Variants in CCDC78 observed in about 807,000 individuals in gnomAD.
CCDC78 encodes the protein coiled-coil domain-containing protein 78.
Under a neutral mutation model 61.9 loss-of-function variants are expected in CCDC78, and 78 were observed. The ratio of observed to expected loss-of-function variants is 1.26; its 90% confidence interval spans 1.05 to 1.52. The LOEUF (loss-of-function observed/expected upper bound fraction) is 1.52, where lower values mean the gene tolerates loss of function less well. CCDC78 is among the 40% of genes most tolerant of loss of function. CCDC78 has a pLI of 0.00. For synonymous variants in CCDC78, 287 were observed against 251.9 expected (o/e 1.14, Z -1.32); for missense variants, 737 against 615.5 (o/e 1.20, Z -2.09).
intron 3 of CCDC78, 102 bp downstream of exon 3, chr16:725,692 C>A: frequency 6.4e-7 from 1 of 1,568,916 alleles, no homozygotes; most frequent in South Asian, 1.1e-5. Flanking sequence ...CAGGCTGAGA[C>A]CCACAGATGC....
rs2040368482 is a variant in CCDC78, at chr16:723,007, C to T, written c.1216G>A (p.Glu406Lys). Residue 406 changes from glutamate to lysine, a missense_variant, in exon 13 of 14, where the codon GAG (glutamate) becomes AAG (lysine). Physicochemically the swap from Glu to Lys is moderately conservative, Grantham distance 56. Transcript: ENST00000345165. The part of the protein sequence containing the change: ...SRSTQAELER[E>K]RAQLLVRATM... ...GCCCGGACCAGCAGCTGTGCCCGCT[C>T]CCGTTCCAGCTCTGCCTGGCATGGG... The T allele has an allele frequency of 1.9e-6, 3 of 1,612,564 alleles. No homozygotes were observed. In the South Asian group the frequency reaches 3.3e-5, roughly 18 times the overall value.
chr16:724,075 G>T, intron 10 of CCDC78, 31 bp downstream of exon 10: 3 of 1,567,978 alleles, frequency 1.9e-6, no homozygotes, highest in Middle Eastern at 2.0e-4. Context: ...GGGCACCCGG[G>T]CCTGGAGCTT....
Position 722,713 on chromosome 16 carries a change from C to T in CCDC78, c.1378G>A (p.Ala460Thr). The change falls in exon 14 of 14, where the codon GCC becomes ACC. Residue 460 changes from alanine to threonine, a missense_variant. Physicochemically the swap from Ala to Thr is moderately conservative, Grantham distance 58. Coordinates refer to ENST00000345165, the MANE Select transcript of CCDC78 (RefSeq NM_001378030.1). Reference sequence around the variant, plus strand: ...CCGGTCCTTGGATGCTGGGGCTTGGCTGGAGGCACAGCCCCCACTTTCCAG... The same window carrying T: ...CCGGTCCTTGGATGCTGGGGCTTGGTTGGAGGCACAGCCCCCACTTTCCAG... ...DPWKVGAVPPAKPQHPRTGSH is the reference protein window; with the variant it reads ...DPWKVGAVPPTKPQHPRTGSH 2 of 1,610,066 alleles carry T rather than the reference C, an allele frequency of 1.2e-6. No individual in the cohort carries two copies. The highest frequency in any genetic ancestry group is 1.1e-5 in the South Asian group (1 of 91,086).
intron 6 of CCDC78, 31 bp from the exon 7 acceptor site, chr16:725,020 C>T (rs751410670): frequency 1.2e-6 from 2 of 1,612,422 alleles, no homozygotes; most frequent in South Asian, 1.1e-5. Context: ...CTCAGCAGGC[C>T]CACGATCAGG....
Position 723,027 on chromosome 16 carries a change from C to A in CCDC78, c.1201-5G>T. 6.2e-7 allele frequency: 1 copy of A among 1,612,558 alleles called. No homozygotes were observed. The highest frequency in any genetic ancestry group is 8.5e-7 in the Non-Finnish European group (1 of 1,179,992). Reference sequence around the variant, plus strand: ...CCGCTCCCGTTCCAGCTCTGCCTGGCATGGGGATGTAAGCCATGAGCTGGG... The same window carrying A: ...CCGCTCCCGTTCCAGCTCTGCCTGGAATGGGGATGTAAGCCATGAGCTGGG... On this transcript the variant is annotated splice_polypyrimidine_tract_variant and splice_region_variant and intron_variant, in intron 12 of 13. Transcript: ENST00000345165.
chr16:724,710 G>C lies in CCDC78; in HGVS notation c.736C>G (p.Arg246Gly), dbSNP rs749095737. ...LKKLKDEYVL[R>G]LQHCAWQAVE... Reference sequence around the variant, plus strand: ...GCCTGCCAGGCGCAGTGTTGCAGCCGTAGGACGTACTCATCCTTCAGTTTC... The same window carrying C: ...GCCTGCCAGGCGCAGTGTTGCAGCCCTAGGACGTACTCATCCTTCAGTTTC... The change falls in exon 8 of 14, where the codon CGG becomes GGG. Residue 246 changes from arginine (R) to glycine (G), a missense_variant. By Grantham distance (125) the Arg-to-Gly change is moderately radical (BLOSUM62 -2). Transcript: ENST00000345165. 3 of 1,611,680 alleles carry C rather than the reference G, an allele frequency of 1.9e-6. No individual in the cohort carries two copies. Among genetic ancestry groups the C allele is most frequent in the African/African-American group, 1.3e-5 (1 of 74,914 alleles).
chr16:725,329 G>T, intron 4 of CCDC78, 36 bp from the exon 5 acceptor site: 1 of 1,610,630 alleles, frequency 6.2e-7, no homozygotes. Context: ...GCTAAGGGGT[G>T]GGTGAGCCCC....
rs768765447 is a variant in CCDC78, at chr16:724,103, C to T, written c.1053+3G>A. 2 of 1,590,532 alleles carry T rather than the reference C, an allele frequency of 1.3e-6. No homozygotes were observed. Among genetic ancestry groups the T allele is most frequent in the Non-Finnish European group, 1.7e-6 (2 of 1,168,324 alleles). ...TGGAGCTTCTGGGGGTCTCTAGCCT[C>T]ACCTGGTCCTCCCGATGGCTGAAGT... On this transcript the variant is annotated splice_donor_region_variant and intron_variant, in intron 10 of 13. Coordinates refer to ENST00000345165, the MANE Select transcript of CCDC78 (RefSeq NM_001378030.1).
At chr16:726,178 G>C in intron 1 of CCDC78, 93 bp from the exon 2 acceptor site, 1 of 1,550,404 alleles carries the variant, frequency 6.4e-7, no homozygotes, top group Non-Finnish European at 8.7e-7. Context: ...TCCCTGCCTG[G>C]CTGAGCTGTA....
rs1330605449 is a variant in CCDC78, at chr16:724,203, G to A, written c.956C>T (p.Ala319Val). The A allele has an allele frequency of 6.9e-6, 11 of 1,593,746 alleles. No homozygotes were observed. Among genetic ancestry groups the A allele is most frequent in the African/African-American group, 1.3e-5 (1 of 74,630 alleles). Residue 319 changes from alanine to valine, a missense_variant and splice_region_variant, in exon 10 of 14, where the codon GCA becomes GTA. By Grantham distance (64) the Ala-to-Val change is moderately conservative. Transcript: ENST00000345165. ...AAAAATAGCTTGGGGGTTCCCAGGTGCCCTGTCAGGGTAGGCTAGTGTCTG... is the reference window on the plus strand; with the variant it reads ...AAAAATAGCTTGGGGGTTCCCAGGTACCCTGTCAGGGTAGGCTAGTGTCTG... ...RHEELLVAYR[A>V]PGNPQAIFDI...
intron 11 of CCDC78, chr16:723,379 C>T: frequency 2.8e-6 from 2 of 706,452 alleles, no homozygotes; most frequent in East Asian, 5.4e-5. Context: ...CTGCTGGCTG[C>T]TGGGGGAGGG....
At chr16:724,604 G>A in intron 8 of CCDC78, 77 bp downstream of exon 8, 2 of 1,568,832 alleles carry the variant, frequency 1.3e-6, no homozygotes, top group South Asian at 1.1e-5. Flanking sequence ...GGGGCCCTGG[G>A]GTCTCCCTGA....
intron 11 of CCDC78, chr16:723,479 C>G (rs1450165397): frequency 1.5e-6 from 1 of 679,498 alleles, no homozygotes; most frequent in Non-Finnish European, 2.7e-6. Context: ...AGGAAATGGT[C>G]CTTGGGGAGC....
chr16:722,691 G>A lies in CCDC78; in HGVS notation c.1400C>T (p.Thr467Ile), dbSNP rs766665690. The A allele has an allele frequency of 2.1e-5, 33 of 1,607,596 alleles. No homozygotes were observed. In the African/African-American group the frequency reaches 4.1e-4, roughly 20 times the overall value. Residue 467 changes from threonine (T) to isoleucine (I), a missense_variant, in exon 14 of 14, where the codon ACC (threonine) becomes ATC (isoleucine). By Grantham distance (89) the Thr-to-Ile change is moderately conservative. Transcript: ENST00000345165. ...TTGGGAGACGGCCTAGTGGCTGCCG[G>A]TCCTTGGATGCTGGGGCTTGGCTGG... ...VPPAKPQHPR[T>I]GSH
rs2040729802 is a variant in CCDC78, at chr16:725,069, G to A, written c.560+9C>T. 1 of 1,612,710 alleles carries A rather than the reference G, an allele frequency of 6.2e-7. No homozygotes were observed. Among genetic ancestry groups the A allele is most frequent in the African/African-American group, 1.3e-5 (1 of 75,050 alleles). ...CCAGGATGGGGCCCCAGGTGAGATG[G>A]CCACTCACACACGCGTCACCAGTGC... On this transcript the variant is annotated intron_variant, in intron 6 of 13. Coordinates refer to ENST00000345165, the MANE Select transcript of CCDC78 (RefSeq NM_001378030.1).
At position 725,288 on chromosome 16, in the gene CCDC78, C is replaced by T. The variant is rs1216907943; in HGVS notation, c.441G>A (p.Gln147=). The change falls in exon 5 of 14, where the codon CAG becomes CAA. Residue 147 remains glutamine (Q), a synonymous_variant. Coordinates refer to ENST00000345165, the MANE Select transcript of CCDC78 (RefSeq NM_001378030.1). ...GHSDDHRFQV[Q]PKNTMNPENE... is the part of the protein sequence containing the mutation. ...TCTCGGGGTTCATGGTGTTCTTGGG[C>T]TGCACCTGAATGGAAGGGAGGGCAG... is the stretch of plus-strand genomic sequence containing the variant. 1.8e-5 allele frequency: 29 copies of T among 1,607,558 alleles called. No individual in the cohort carries two copies. Among genetic ancestry groups the T allele is most frequent in the Non-Finnish European group, 2.5e-5 (29 of 1,179,972 alleles).
At chr16:726,612 T>G, upstream of CCDC78, 15 of 552,914 alleles carry the variant, frequency 2.7e-5, no homozygotes, top group Non-Finnish European at 3.5e-5. Flanking sequence ...CCCCTGCACA[T>G]ACCCTGTGCA....
intron 4 of CCDC78, 30 bp from the exon 5 acceptor site, chr16:725,323 A>G: frequency 6.2e-7 from 1 of 1,610,246 alleles, no homozygotes; most frequent in Non-Finnish European, 8.5e-7. Context: ...GGGAAAGCTA[A>G]GGGGTGGGTG....
Position 724,216 on chromosome 16 carries a change from A to G in CCDC78, c.954-11T>C. On this transcript the variant is annotated splice_polypyrimidine_tract_variant and intron_variant, in intron 9 of 13. Transcript: ENST00000345165. ...GGGTTCCCAGGTGCCCTGTCAGGGT[A>G]GGCTAGTGTCTGTCTGGGGCCACTC... is the stretch of plus-strand genomic sequence containing the variant. 1 of 1,589,552 alleles carries G rather than the reference A, an allele frequency of 6.3e-7. No individual in the cohort carries two copies. Among genetic ancestry groups the G allele is most frequent in the East Asian group, 2.2e-5 (1 of 44,630 alleles).
Sources: allele counts gnomAD v4.1 joint callset, GRCh38; gene constraint gnomAD v4.1.1; transcripts MANE v1.5; gene names NCBI Gene and HGNC (gene_info 2026-07-23, HGNC 2026-07-21).